The following ZNF736 variants were observed in gnomAD, a reference collection of about 807,000 sequenced individuals.
The protein encoded by ZNF736 is zinc finger protein 736, also known as KRAB-containing zinc-finger repressor protein.
Under a neutral mutation model 11.7 loss-of-function variants are expected in ZNF736, and 6 were observed. The observed-to-expected ratio is 0.51, with a 90% confidence interval of 0.28 to 1.01. The LOEUF is 1.01. Among genes scored for constraint, ZNF736 ranks in the 50% least tolerant of loss-of-function variants. The probability of loss-of-function intolerance (pLI) is 0.09; values close to 1 mark genes in which losing one functional copy is unlikely to be tolerated. For synonymous variants in ZNF736, 139 were observed against 164.7 expected, an observed-to-expected ratio of 0.84 and a Z score of 1.19; for missense variants, 444 against 496.0, an observed-to-expected ratio of 0.90 and a Z score of 1.00.
In ZNF736 at chr7:64,321,637, A is replaced by G. The variant is rs1789005243; in HGVS notation, c.3+7484A>G. Among the ~76,000 whole-genome samples the G allele has an allele frequency of 2.0e-5, 3 of 152,210 alleles. No homozygotes were observed. The South Asian group carries it at 6.2e-4, about 32-fold the overall frequency. On this transcript the variant is annotated intron_variant, in intron 1 of 3. Transcript: ENST00000423484. The stretch of plus-strand genomic sequence containing the variant: ...AAGCAAAGTCTTGACCTCATGAAAT[A>G]GTAGGGAGATCTGAATTCAGGAGGA...
chr7:64,343,249 C>G (rs1789363780), intron 3 of ZNF736, among the ~76,000 whole-genome samples: 1 of 152,060 alleles, frequency 6.6e-6, no homozygotes, highest in Admixed American at 6.6e-5. Context: ...AAATTGTGTT[C>G]TTTGTAGCAA....
At position 64,348,231 on chromosome 7, in the gene ZNF736, G is replaced by A. The variant is rs919374012; in HGVS notation, c.368G>A (p.Cys123Tyr). The change falls in exon 4 of 4, where the codon TGC becomes TAC. Residue 123 changes from cysteine (C) to tyrosine (Y), a missense_variant. Physicochemically the swap from Cys to Tyr is radical, Grantham distance 194. Transcript: ENST00000423484. Reference sequence around the variant, plus strand: ...AAAGACTACCAAAGTGTGGGTAATTGCAAGGGGCAGAAAAGCAGTTATAAT... The same window carrying A: ...AAAGACTACCAAAGTGTGGGTAATTACAAGGGGCAGAAAAGCAGTTATAAT... ...LKKDYQSVGN[C>Y]KGQKSSYNGL... 1 of 1,551,904 alleles carries A rather than the reference G, an allele frequency of 6.4e-7. No homozygotes were observed. Among genetic ancestry groups the A allele is most frequent in the Non-Finnish European group, 8.7e-7 (1 of 1,146,914 alleles).
intron 1 of ZNF736, among the ~76,000 whole-genome samples, chr7:64,321,687 A>C (rs1017849278): frequency 6.6e-6 from 1 of 152,212 alleles, no homozygotes; most frequent in African/African-American, 2.4e-5. Flanking sequence ...TCAACAATGT[A>C]CTGGGAGCTG....
At position 64,328,587 on chromosome 7, in the gene ZNF736, C is replaced by T. The variant is rs555734293; in HGVS notation, c.4-7672C>T. On this transcript the variant is annotated intron_variant, in intron 1 of 3. Transcript: ENST00000423484. ...CATCCTGGCTAACACGGTGAAACCC[C>T]GTCTCTACTTAAAAAATACAAAAAA... Among the ~76,000 whole-genome samples, 16 of 152,100 alleles carry T rather than the reference C, an allele frequency of 1.1e-4. No homozygotes were observed. The South Asian group carries it at 3.1e-3, about 30-fold the overall frequency.
chr7:64,320,328 A>G lies in ZNF736; in HGVS notation c.3+6175A>G, dbSNP rs1310032737. ...CACAAGATTTTAAGAAATGGTTGGT[A>G]AAACAGGAGAATGAAAGCTGTCTAT... On this transcript the variant is annotated intron_variant, in intron 1 of 3. Transcript: ENST00000423484. Among the ~76,000 whole-genome samples the G allele has an allele frequency of 2.0e-5, 3 of 152,212 alleles. No homozygotes were observed. In the East Asian group the frequency reaches 5.8e-4, roughly 29 times the overall value.
rs1789443558 is a variant in ZNF736 at position 64,348,584 on chromosome 7, T to C, written c.721T>C (p.Ser241Pro). ...CEGCGKTFTC[S>P]STLVKHKRNH... The stretch of plus-strand genomic sequence containing the variant: ...AGGATGTGGCAAAACTTTTACCTGC[T>C]CCTCAACCCTTGTTAAACACAAGAG... The change falls in exon 4 of 4, where the codon TCC becomes CCC. Residue 241 changes from serine (S) to proline (P), a missense_variant. By Grantham distance (74) the Ser-to-Pro change is moderately conservative. Coordinates refer to ENST00000423484, the MANE Select transcript of ZNF736 (RefSeq NM_001170905.3). The C allele has an allele frequency of 6.3e-7, 1 of 1,592,076 alleles. No homozygotes were observed. The highest frequency in any genetic ancestry group is 8.6e-7 in the Non-Finnish European group (1 of 1,168,998).
Position 64,354,945 on chromosome 7 carries a change from A to G in ZNF736, c.*5798A>G, listed in dbSNP as rs971328932. 2 of 152,250 alleles carry G rather than the reference A, an allele frequency of 1.3e-5. No homozygotes were observed. The highest frequency in any genetic ancestry group is 6.5e-5 in the Admixed American group (1 of 15,286). The allele number at this position is 152,250 out of a possible 1,614,324, so 9.4% of individuals were successfully genotyped here. ...CAATACTAGCTATGTAATAGAAGCT[A>G]CATAATTAGAAGTAAATATTCTTTT... On this transcript the variant is annotated 3_prime_UTR_variant, in exon 4 of 4. Transcript: ENST00000423484.
chr7:64,343,641 G>C (rs1789369235), intron 3 of ZNF736, among the ~76,000 whole-genome samples: 1 of 152,160 alleles, frequency 6.6e-6, no homozygotes, highest in African/African-American at 2.4e-5. Flanking sequence ...TGGCTATCTA[G>C]AATAATTATT....
At chr7:64,334,509 A>G (rs1368605374) in intron 1 of ZNF736, among the ~76,000 whole-genome samples, 1 of 152,250 alleles carries the variant, frequency 6.6e-6, no homozygotes, top group Admixed American at 6.5e-5. Context: ...TCAAAAGAAG[A>G]TATTTATGCA....
At chr7:64,317,485 G>C (rs1228349234) in intron 1 of ZNF736, among the ~76,000 whole-genome samples, 2 of 152,102 alleles carry the variant, frequency 1.3e-5, no homozygotes, top group Non-Finnish European at 2.9e-5. Flanking sequence ...AATTTGTCCA[G>C]TACTGGGTTT....
At chr7:64,321,534 A>G (rs1789001438) in intron 1 of ZNF736, among the ~76,000 whole-genome samples, 1 of 152,220 alleles carries the variant, frequency 6.6e-6, no homozygotes, top group Non-Finnish European at 1.5e-5. Context: ...AGTTAAAAAT[A>G]TTGAAATTAA....
intron 3 of ZNF736, among the ~76,000 whole-genome samples, chr7:64,341,563 T>C (rs559152681): frequency 6.6e-6 from 1 of 152,302 alleles, no homozygotes; most frequent in East Asian, 1.9e-4. Context: ...GACTGTGGCA[T>C]GGCAGTTCCT....
chr7:64,348,379 C>T lies in ZNF736; in HGVS notation c.516C>T (p.Cys172=), dbSNP rs1366952296. 1.3e-6 allele frequency: 2 copies of T among 1,551,082 alleles called. No individual in the cohort carries two copies. Among genetic ancestry groups the T allele is most frequent in the South Asian group, 2.4e-5 (2 of 84,052 alleles). Residue 172 remains cysteine (C), a synonymous_variant, in exon 4 of 4, where the codon TGC becomes TGT. Coordinates refer to ENST00000423484, the MANE Select transcript of ZNF736 (RefSeq NM_001170905.3). ...EHKDIFSREK[C]HKCEECGKDC... ...AAGACATTTTTAGCAGAGAGAAATG[C>T]CACAAATGTGAAGAATGTGGCAAAG... is the stretch of plus-strand genomic sequence containing the variant.
At chr7:64,340,281 A>G (rs11766994) in intron 3 of ZNF736, among the ~76,000 whole-genome samples, 33,267 of 152,120 alleles carry the variant, frequency 0.22, 3,972 homozygotes, top group Admixed American at 0.26. Flanking sequence ...GAGCACAGTA[A>G]AGGCCAAGGT....
At chr7:64,339,114 A>G (rs932822836) in intron 3 of ZNF736, among the ~76,000 whole-genome samples, 5 of 152,120 alleles carry the variant, frequency 3.3e-5, no homozygotes, top group Admixed American at 1.3e-4. Context: ...GCCCAACTGT[A>G]TGTTTTCATT....
rs933122101 is a variant in ZNF736, at chr7:64,351,894, T to C, written c.*2747T>C. ...GTCTGCTGAGGAGCAGTGGGTAGTTTGTGGGACCCATGGAGGATGGGCTGG... is the reference window on the plus strand; with the variant it reads ...GTCTGCTGAGGAGCAGTGGGTAGTTCGTGGGACCCATGGAGGATGGGCTGG... On this transcript the variant is annotated 3_prime_UTR_variant, in exon 4 of 4. Transcript: ENST00000423484. The C allele has an allele frequency of 6.6e-6, 1 of 152,232 alleles. No homozygotes were observed. Among genetic ancestry groups the C allele is most frequent in the African/African-American group, 2.4e-5 (1 of 41,426 alleles). 9.4% of individuals were successfully genotyped at this position (152,232 alleles called of 1,614,324 possible). A position where few individuals can be genotyped will look rare whatever the true frequency, so the allele number is the denominator to read the frequency against.
In ZNF736 at chr7:64,355,974, G is replaced by T. The variant is rs1789548531; in HGVS notation, c.*6827G>T. 1 of 186,244 alleles carries T rather than the reference G, an allele frequency of 5.4e-6. No individual in the cohort carries two copies. The highest frequency in any genetic ancestry group is 1.2e-5 in the Non-Finnish European group (1 of 83,836). 11.5% of individuals were successfully genotyped at this position (186,244 alleles called of 1,614,324 possible). A position where few individuals can be genotyped will look rare whatever the true frequency, so the allele number is the denominator to read the frequency against. ...GGGCAATTGGATGATATATAGAGTG[G>T]TTATGCTGCATCAGGTCCTAAGAAA... is the stretch of plus-strand genomic sequence containing the variant. On this transcript the variant is annotated 3_prime_UTR_variant, in exon 4 of 4. Transcript: ENST00000423484.
At chr7:64,317,745 ACCTTTTATAACC>A (rs1788937318) in intron 1 of ZNF736, among the ~76,000 whole-genome samples, 1 of 152,108 alleles carries the variant, frequency 6.6e-6, no homozygotes, top group African/African-American at 2.4e-5. Context: ...ATTTCTGTAA[ACCTTTTATAACC>A]CCTTAAAATT....
intron 3 of ZNF736, among the ~76,000 whole-genome samples, chr7:64,341,563 T>A (rs559152681): frequency 6.6e-6 from 1 of 152,184 alleles, no homozygotes; most frequent in Non-Finnish European, 1.5e-5. Flanking sequence ...GACTGTGGCA[T>A]GGCAGTTCCT....
Sources: gnomAD v4.1 joint callset for allele counts (sites outside exome capture counted in the v4.1 genomes callset) on GRCh38, gnomAD v4.1.1 for gene constraint, MANE v1.5 for transcripts, NCBI Gene and HGNC (gene_info 2026-07-23, HGNC 2026-07-21) for gene names.